Variants in IQCM observed in about 807,000 individuals in gnomAD.
IQCM encodes IQ domain-containing protein M.
Under a neutral mutation model 57.6 loss-of-function variants are expected in IQCM, and 45 were observed. The observed-to-expected ratio is 0.78, with a 90% CI of 0.62 to 1.00. IQCM has a LOEUF of 1.00. Ranked by LOEUF, IQCM falls within the 50% of genes least tolerant of loss-of-function variation. The pLI is 0.00. For synonymous variants in IQCM, 148 were observed against 158.9 expected (o/e 0.93, Z 0.51); for missense variants, 468 against 511.6 (o/e 0.91, Z 0.82).
chr4:149,376,237 A>G (rs1037217891), intron 13 of IQCM, among the ~76,000 whole-genome samples: 11 of 152,106 alleles, frequency 7.2e-5, no homozygotes, highest in Non-Finnish European at 1.5e-4. Flanking sequence ...AGATCTCAAT[A>G]TTTTCTGCAG....
chr4:149,716,387 T>C (rs902630753), intron 5 of IQCM, among the ~76,000 whole-genome samples: 4 of 151,926 alleles, frequency 2.6e-5, no homozygotes, highest in Admixed American at 2.0e-4. Flanking sequence ...GGACTGAGAG[T>C]TGGGAGAGGC....
intron 13 of IQCM, among the ~76,000 whole-genome samples, chr4:149,391,780 A>G (rs1731874432): frequency 6.6e-6 from 1 of 151,912 alleles, no homozygotes; most frequent in Non-Finnish European, 1.5e-5. Context: ...CATAATATGA[A>G]TCTCCCAAAT....
At chr4:149,641,554 G>A (rs1019659892) in intron 7 of IQCM, among the ~76,000 whole-genome samples, 2 of 152,026 alleles carry the variant, frequency 1.3e-5, no homozygotes, top group Non-Finnish European at 2.9e-5. Flanking sequence ...TTGTAAATGG[G>A]ATGTAAATGT....
intron 12 of IQCM, among the ~76,000 whole-genome samples, chr4:149,444,760 C>A (rs1194843627): frequency 1.3e-5 from 2 of 151,504 alleles, no homozygotes; most frequent in African/African-American, 2.4e-5. Context: ...TGGTACATAG[C>A]AAATTGAGAG....
intron 13 of IQCM, among the ~76,000 whole-genome samples, chr4:149,396,349 A>T (rs957516804): frequency 4.6e-5 from 7 of 151,646 alleles, no homozygotes; most frequent in African/African-American, 1.7e-4. Flanking sequence ...ATATAAGAAA[A>T]TTTTCTATAT....
intron 5 of IQCM, among the ~76,000 whole-genome samples, chr4:149,703,698 T>C (rs561854261): frequency 1.6e-4 from 24 of 152,082 alleles, no homozygotes; most frequent in African/African-American, 5.8e-4. Flanking sequence ...TAGTATCTTA[T>C]ACAGAATAAG....
chr4:149,566,120 A>C (rs1233104833), intron 9 of IQCM, among the ~76,000 whole-genome samples: 1 of 152,186 alleles, frequency 6.6e-6, no homozygotes, highest in Non-Finnish European at 1.5e-5. Flanking sequence ...CTAATATAAT[A>C]AATTTTACAA....
At chr4:149,368,983 T>C (rs2110967443) in intron 13 of IQCM, among the ~76,000 whole-genome samples, 1 of 38,234 alleles carries the variant, frequency 2.6e-5, no homozygotes, top group African/African-American at 9.9e-5. Flanking sequence ...TGTGTATATA[T>C]ATACACGTGT....
chr4:149,547,746 T>C (rs1286889220), intron 12 of IQCM, among the ~76,000 whole-genome samples: 1 of 152,210 alleles, frequency 6.6e-6, no homozygotes, highest in East Asian at 1.9e-4. Context: ...AATGCATATG[T>C]ATCCCAAATC....
At chr4:149,487,580 G>A (rs970490763) in intron 12 of IQCM, among the ~76,000 whole-genome samples, 4 of 152,056 alleles carry the variant, frequency 2.6e-5, no homozygotes, top group East Asian at 1.9e-4. Flanking sequence ...TCATGGTGGC[G>A]AGTCTTGCCA....
intron 12 of IQCM, among the ~76,000 whole-genome samples, chr4:149,445,726 G>A (rs144965384): frequency 1.3e-5 from 2 of 151,734 alleles, no homozygotes; most frequent in South Asian, 2.1e-4. Flanking sequence ...CTGTTTCTCT[G>A]ATGATTTACC....
At chr4:149,684,634 A>G (rs1157573950) in intron 6 of IQCM, among the ~76,000 whole-genome samples, 3 of 151,256 alleles carry the variant, frequency 2.0e-5, no homozygotes, top group Non-Finnish European at 4.4e-5. Flanking sequence ...TTATATTCTC[A>G]TTGCTGTTTC....
At chr4:149,386,930 A>G (rs1217526785) in intron 13 of IQCM, among the ~76,000 whole-genome samples, 1 of 152,034 alleles carries the variant, frequency 6.6e-6, no homozygotes, top group African/African-American at 2.4e-5. Context: ...TTTACCAAAA[A>G]CTACATAAGT....
At chr4:149,757,575 A>G (rs942890647) in intron 2 of IQCM, among the ~76,000 whole-genome samples, 1 of 152,158 alleles carries the variant, frequency 6.6e-6, no homozygotes, top group Non-Finnish European at 1.5e-5. Context: ...AAAAATTATT[A>G]ATAGGGATAA....
intron 10 of IQCM, among the ~76,000 whole-genome samples, chr4:149,557,476 C>T (rs1287240646): frequency 6.6e-6 from 1 of 152,150 alleles, no homozygotes; most frequent in Non-Finnish European, 1.5e-5. Context: ...GATCACCAAC[C>T]TCAATGGGGT....
intron 13 of IQCM, among the ~76,000 whole-genome samples, chr4:149,372,615 C>G (rs1297185481): frequency 6.6e-6 from 1 of 152,032 alleles, no homozygotes; most frequent in African/African-American, 2.4e-5. Context: ...GTTTTCTGAC[C>G]ATAACATTTA....
intron 2 of IQCM, among the ~76,000 whole-genome samples, chr4:149,758,199 A>G (rs1334725901): frequency 2.6e-5 from 4 of 152,170 alleles, no homozygotes; most frequent in Non-Finnish European, 4.4e-5. Flanking sequence ...ATGAAAAATT[A>G]TTAATAGGGA....
intron 13 of IQCM, among the ~76,000 whole-genome samples, chr4:149,431,143 T>G (rs568459895): frequency 2.6e-5 from 4 of 151,914 alleles, no homozygotes; most frequent in African/African-American, 9.7e-5. Context: ...AGACAGAGGT[T>G]GCAGTGAACC....
intron 8 of IQCM, among the ~76,000 whole-genome samples, chr4:149,597,447 T>C (rs1476928385): frequency 6.6e-6 from 1 of 152,120 alleles, no homozygotes; most frequent in Non-Finnish European, 1.5e-5. Flanking sequence ...CTGGAGTGCA[T>C]TGGTATGATC....
Sources: allele counts gnomAD v4.1 joint callset (sites outside exome capture counted in the v4.1 genomes callset), GRCh38; gene constraint gnomAD v4.1.1; transcripts MANE v1.5; gene names NCBI Gene and HGNC (gene_info 2026-07-23, HGNC 2026-07-21).